SH3RF3: variants seen among roughly 807,000 people sequenced by gnomAD.
The protein encoded by SH3RF3 is E3 ubiquitin-protein ligase SH3RF3.
In SH3RF3, 29 loss-of-function variants were observed where a neutral mutation model predicts 66.3. The ratio of observed to expected loss-of-function variants is 0.44; its 90% CI spans 0.33 to 0.60. The LOEUF is 0.60. Ranked by LOEUF, SH3RF3 falls within the 20% of genes least tolerant of loss-of-function variation. The pLI, the probability that SH3RF3 is intolerant of heterozygous loss-of-function variation, is 0.04. For synonymous variants in SH3RF3, 583 were observed against 532.0 expected, an observed-to-expected ratio of 1.10 and a Z score of -1.32; for missense variants, 1,194 against 1,190.9, an observed-to-expected ratio of 1.00 and a Z score of -0.04.
At chr2:109,225,494 GC>G (rs1679353804) in intron 1 of SH3RF3, among the ~76,000 whole-genome samples, 1 of 152,222 alleles carries the variant, frequency 6.6e-6, no homozygotes, top group African/African-American at 2.4e-5. Flanking sequence ...GACTGGGTGG[GC>G]TGACCCACCT....
intron 1 of SH3RF3, among the ~76,000 whole-genome samples, chr2:109,314,784 A>G (rs1681832220): frequency 6.6e-6 from 1 of 152,184 alleles, no homozygotes; most frequent in African/African-American, 2.4e-5. Context: ...GGTTTTGTTT[A>G]ATTTAGGGTG....
intron 1 of SH3RF3, among the ~76,000 whole-genome samples, chr2:109,215,126 T>A (rs1477732299): frequency 6.6e-6 from 1 of 152,174 alleles, no homozygotes; most frequent in Non-Finnish European, 1.5e-5. Flanking sequence ...CAATTGACCG[T>A]GTTAAGCATC....
chr2:109,151,448 G>T (rs1677224056), intron 1 of SH3RF3, among the ~76,000 whole-genome samples: 1 of 152,164 alleles, frequency 6.6e-6, no homozygotes. Flanking sequence ...AATACAAATA[G>T]AATTTGAGCC....
chr2:109,133,672 G>A (rs999784687), intron 1 of SH3RF3, among the ~76,000 whole-genome samples: 1 of 148,508 alleles, frequency 6.7e-6, no homozygotes, highest in Non-Finnish European at 1.5e-5. Context: ...TGACCATTTT[G>A]TTAGTGTTTG....
intron 7 of SH3RF3, among the ~76,000 whole-genome samples, chr2:109,440,883 G>C (rs1677543768): frequency 6.6e-6 from 1 of 152,106 alleles, no homozygotes; most frequent in Non-Finnish European, 1.5e-5. Context: ...AGAAAGAAAG[G>C]ATTAGTGCTA....
At chr2:109,271,697 A>G (rs1680629402) in intron 1 of SH3RF3, among the ~76,000 whole-genome samples, 2 of 152,226 alleles carry the variant, frequency 1.3e-5, no homozygotes. Context: ...TTTAGGACGA[A>G]GGGCCCCCCT....
At chr2:109,374,040 TG>T (rs1276025955) in intron 3 of SH3RF3, among the ~76,000 whole-genome samples, 5 of 152,174 alleles carry the variant, frequency 3.3e-5, no homozygotes, top group African/African-American at 1.2e-4. Flanking sequence ...TGACTGCCTG[TG>T]GGTCTGAAAA....
At chr2:109,229,035 C>T (rs1409330464) in intron 1 of SH3RF3, among the ~76,000 whole-genome samples, 3 of 152,116 alleles carry the variant, frequency 2.0e-5, no homozygotes, top group African/African-American at 7.2e-5. Flanking sequence ...AAAAGGTTTC[C>T]ATCACCCAGC....
chr2:109,253,397 A>G (rs574793144), intron 1 of SH3RF3, among the ~76,000 whole-genome samples: 51 of 152,330 alleles, frequency 3.3e-4, no homozygotes, highest in Non-Finnish European at 5.9e-4. Context: ...AAGAGGCCCC[A>G]GGATAGGCTG....
chr2:109,411,089 G>A (rs1376700953), intron 4 of SH3RF3, among the ~76,000 whole-genome samples: 1 of 152,222 alleles, frequency 6.6e-6, no homozygotes, highest in Non-Finnish European at 1.5e-5. Context: ...AGCCAGGCCT[G>A]CGTCCAGGGC....
intron 1 of SH3RF3, among the ~76,000 whole-genome samples, chr2:109,217,921 TG>T (rs1376304614): frequency 2.6e-5 from 4 of 152,190 alleles, no homozygotes; most frequent in African/African-American, 9.7e-5. Flanking sequence ...TGGGTGGCCT[TG>T]CAAGACAGCT....
chr2:109,281,514 T>C (rs1160675775), intron 1 of SH3RF3, among the ~76,000 whole-genome samples: 2 of 152,180 alleles, frequency 1.3e-5, no homozygotes, highest in African/African-American at 4.8e-5. Context: ...TTTCACCTGC[T>C]GGTCCTCAGC....
At chr2:109,183,807 G>T (rs980796198) in intron 1 of SH3RF3, among the ~76,000 whole-genome samples, 1 of 152,268 alleles carries the variant, frequency 6.6e-6, no homozygotes, top group Non-Finnish European at 1.5e-5. Flanking sequence ...GGCCAAGGGG[G>T]TTAAGTTACC....
In SH3RF3 at chr2:109,318,467, A is replaced by G. The variant is rs185154081; in HGVS notation, c.574-29207A>G. 4.7e-3 allele frequency among the ~76,000 whole-genome samples: 709 copies of G among 152,318 alleles called. 4 individuals are homozygous for G. Among genetic ancestry groups the G allele is most frequent in the Non-Finnish European group, 7.2e-3 (493 of 68,026 alleles). On this transcript the variant is annotated intron_variant, in intron 1 of 9. Coordinates refer to ENST00000309415, the MANE Select transcript of SH3RF3 (RefSeq NM_001099289.3). ...TCAAAGCCAGGGTGGCTCTCGGCATACGCGTTTATCTGAGTGACTGAATCA... is the reference window on the plus strand; with the variant it reads ...TCAAAGCCAGGGTGGCTCTCGGCATGCGCGTTTATCTGAGTGACTGAATCA...
intron 5 of SH3RF3, 45 bp from the exon 6 acceptor site, chr2:109,432,456 C>T: frequency 6.2e-7 from 1 of 1,606,630 alleles, no homozygotes; most frequent in Non-Finnish European, 8.5e-7. Flanking sequence ...GTCCCCTATC[C>T]CCAGGAGGGC....
chr2:109,330,329 T>A (rs968912360), intron 1 of SH3RF3, among the ~76,000 whole-genome samples: 1 of 152,250 alleles, frequency 6.6e-6, no homozygotes, highest in Non-Finnish European at 1.5e-5. Flanking sequence ...ATTCTTCTCT[T>A]GTGCCTATCT....
At chr2:109,380,136 A>G (rs1410760328) in intron 3 of SH3RF3, among the ~76,000 whole-genome samples, 1 of 152,192 alleles carries the variant, frequency 6.6e-6, no homozygotes, top group African/African-American at 2.4e-5. Flanking sequence ...CCACACATAC[A>G]TGGGTGTTCA....
intron 1 of SH3RF3, among the ~76,000 whole-genome samples, chr2:109,289,757 T>C (rs1681119274): frequency 6.6e-6 from 1 of 152,010 alleles, no homozygotes; most frequent in Admixed American, 6.6e-5. Context: ...GTCATGAAAA[T>C]ACACTTTTTT....
intron 7 of SH3RF3, among the ~76,000 whole-genome samples, chr2:109,448,805 A>G (rs116402145): frequency 0.013 from 2,024 of 152,308 alleles, 47 homozygotes; most frequent in African/African-American, 0.046. Context: ...ATTGTCTTCC[A>G]CAAAACGGGT....
Sources: allele counts gnomAD v4.1 joint callset (sites outside exome capture counted in the v4.1 genomes callset), GRCh38; gene constraint gnomAD v4.1.1; transcripts MANE v1.5; gene names NCBI Gene and HGNC (gene_info 2026-07-23, HGNC 2026-07-21).